Variants in RALGAPA1 observed in about 807,000 individuals in gnomAD.
The protein encoded by RALGAPA1 is Ral GTPase activating protein catalytic subunit alpha 1.
In RALGAPA1, 52 loss-of-function variants were observed where a neutral mutation model predicts 269.6. That is an observed-to-expected ratio of 0.19 (90% confidence interval 0.15 to 0.24). RALGAPA1 has a LOEUF of 0.24. Among genes scored for constraint, RALGAPA1 ranks in the 10% least tolerant of loss-of-function variants. RALGAPA1 has a pLI of 1.00. For missense variants in RALGAPA1, 1,917 were observed against 3,013.9 expected (o/e 0.64, Z 8.52); for synonymous variants, 817 against 1,008.3 (o/e 0.81, Z 3.60).
rs778517566 is a variant in RALGAPA1, at chr14:35,655,884, T to C, written c.5419A>G (p.Ile1807Val). ...GACTCATGGACTAGTTCTTCACAAA[T>C]CCAAATACCTAAACTACAAAGTGCT... ...CVALCSLGIW[I>V]CEELVHESHH... Residue 1807 changes from isoleucine (I) to valine (V), a missense_variant, in exon 29 of 42, where the codon ATT becomes GTT. Ile to Val is a conservative substitution (Grantham distance 29, BLOSUM62 3). This residue lies in a region of RALGAPA1 where 346 missense variants were observed against 566.1 expected (regional missense o/e 0.61). Transcript: ENST00000680220. The C allele has an allele frequency of 2.2e-5, 36 of 1,613,296 alleles. 2 individuals carry two copies. The South Asian group carries it at 3.8e-4, about 17-fold the overall frequency.
rs372343269 is a variant in RALGAPA1, at chr14:35,654,767, A to G, written c.5497-290T>C. ...CTCTAAACCACTATTCTTTTTATCA[A>G]TCTTTGCCCTGTTCCAATCAACTAT... On this transcript the variant is annotated intron_variant, in intron 29 of 41. Transcript: ENST00000680220. Among the ~76,000 whole-genome samples, 175 of 152,232 alleles carry G rather than the reference A, an allele frequency of 1.1e-3. 2 individuals are homozygous for G. In the South Asian group the frequency reaches 0.027, roughly 23 times the overall value.
chr14:35,674,187 A>G lies in RALGAPA1; in HGVS notation c.4910T>C (p.Leu1637Pro). Residue 1637 changes from leucine (L) to proline (P), a missense_variant, in exon 24 of 42, where the codon CTT becomes CCT. Leu to Pro is a moderately conservative substitution (Grantham distance 98). Around this residue, in one of 11 missense-constraint regions of RALGAPA1, gnomAD observed 73 missense variants for 190.6 expected, o/e 0.38. Transcript: ENST00000680220. ...IPPLRILTPWLFKATMLTDKY... is the reference protein window; with the variant it reads ...IPPLRILTPWPFKATMLTDKY... Reference sequence around the variant, plus strand: ...TTTATATATTAAGCTTACCTTAAAAAGCCAAGGTGTAAGAATTCTCAGTGG... The same window carrying G: ...TTTATATATTAAGCTTACCTTAAAAGGCCAAGGTGTAAGAATTCTCAGTGG... The G allele has an allele frequency of 6.2e-7, 1 of 1,606,412 alleles. No individual in the cohort carries two copies. The highest frequency in any genetic ancestry group is 2.2e-5 in the East Asian group (1 of 44,716).
intron 31 of RALGAPA1, among the ~76,000 whole-genome samples, chr14:35,642,472 A>G (rs2062093254): frequency 6.6e-6 from 1 of 152,178 alleles, no homozygotes. Context: ...TAAAAAAGGA[A>G]AACAAGTTAA....
At chr14:35,751,704 T>G (rs936334538) in intron 8 of RALGAPA1, among the ~76,000 whole-genome samples, 1 of 151,444 alleles carries the variant, frequency 6.6e-6, no homozygotes, top group African/African-American at 2.4e-5. Context: ...CTGCCTGAGC[T>G]CAGCAGTTCA....
intron 1 of RALGAPA1, among the ~76,000 whole-genome samples, chr14:35,802,704 T>A (rs1033581572): frequency 5.0e-5 from 7 of 141,394 alleles, no homozygotes; most frequent in Non-Finnish European, 7.6e-5. Flanking sequence ...AAAAAAAAAA[T>A]ACAGTGTCAC....
chr14:35,691,377 CA>C (rs892620831), intron 17 of RALGAPA1, among the ~76,000 whole-genome samples: 40 of 150,228 alleles, frequency 2.7e-4, no homozygotes, highest in African/African-American at 8.3e-4. Flanking sequence ...CTAGAAATAA[CA>C]AAAAAAAATT....
intron 31 of RALGAPA1, among the ~76,000 whole-genome samples, chr14:35,642,804 A>C (rs1468660729): frequency 6.6e-6 from 1 of 152,150 alleles, no homozygotes; most frequent in Admixed American, 6.5e-5. Flanking sequence ...AACTAGAAAT[A>C]CCATTTGACC....
intron 15 of RALGAPA1, 52 bp downstream of exon 15, chr14:35,722,975 A>C (rs756370478): frequency 9.1e-7 from 1 of 1,101,018 alleles, no homozygotes; most frequent in Non-Finnish European, 1.3e-6. Context: ...GTTTTCCCTG[A>C]CTCAATTATT....
At chr14:35,559,454 T>C (rs1290761277) in intron 39 of RALGAPA1, among the ~76,000 whole-genome samples, 2 of 152,026 alleles carry the variant, frequency 1.3e-5, no homozygotes. Flanking sequence ...AGTGGAGCAG[T>C]GCACAGTCAT....
intron 22 of RALGAPA1, 58 bp from the exon 23 acceptor site, chr14:35,674,767 C>T (rs1441766054): frequency 2.8e-6 from 2 of 702,916 alleles, no homozygotes; most frequent in African/African-American, 1.8e-5. Flanking sequence ...ATAAAACCCC[C>T]CAAGAAACCA....
intron 35 of RALGAPA1, among the ~76,000 whole-genome samples, chr14:35,623,608 T>C (rs2139540941): frequency 6.6e-6 from 1 of 152,298 alleles, no homozygotes; most frequent in Middle Eastern, 3.4e-3. Flanking sequence ...TAGGTGTTGT[T>C]ACAAAATGTT....
At chr14:35,692,268 A>G (rs191238334) in intron 17 of RALGAPA1, among the ~76,000 whole-genome samples, 4 of 152,148 alleles carry the variant, frequency 2.6e-5, no homozygotes, top group Admixed American at 1.3e-4. Context: ...CAAGATTTCA[A>G]AACATTAAAA....
intron 25 of RALGAPA1, among the ~76,000 whole-genome samples, chr14:35,672,140 C>T (rs1440215155): frequency 1.3e-5 from 2 of 152,070 alleles, no homozygotes; most frequent in African/African-American, 4.8e-5. Flanking sequence ...AGTCATTTTA[C>T]TTGAGACATG....
At position 35,688,680 on chromosome 14, in the gene RALGAPA1, A is replaced by G; in HGVS notation, c.3731T>C (p.Ile1244Thr). ...IPTTILQKEGIASSQLGSRST... is the reference protein window; with the variant it reads ...IPTTILQKEGTASSQLGSRST... ...ACGACTACCTAATTGACTACTTGCA[A>G]TTCCTTCTTTTTGTAATATGGTGGT... Residue 1244 changes from isoleucine to threonine, a missense_variant, in exon 18 of 42, where the codon ATT becomes ACT. Around this residue, in one of 11 missense-constraint regions of RALGAPA1, gnomAD observed 615 missense variants for 790.0 expected, o/e 0.78. Coordinates refer to ENST00000680220, the MANE Select transcript of RALGAPA1 (RefSeq NM_001346249.2). 1 of 1,488,848 alleles carries G rather than the reference A, an allele frequency of 6.7e-7. No homozygotes were observed. Among genetic ancestry groups the G allele is most frequent in the Non-Finnish European group, 8.9e-7 (1 of 1,127,298 alleles). 92.2% of individuals were successfully genotyped at this position (1,488,848 alleles called of 1,614,324 possible). A position where few individuals can be genotyped will look rare whatever the true frequency, so the allele number is the denominator to read the frequency against.
chr14:35,614,670 T>C (rs2060141604), intron 35 of RALGAPA1, among the ~76,000 whole-genome samples: 1 of 152,120 alleles, frequency 6.6e-6, no homozygotes, highest in East Asian at 1.9e-4. Flanking sequence ...ATACTAAAAA[T>C]ATGTACACTT....
chr14:35,553,539 G>C (rs1458018903), intron 39 of RALGAPA1, among the ~76,000 whole-genome samples: 1 of 152,078 alleles, frequency 6.6e-6, no homozygotes, highest in Non-Finnish European at 1.5e-5. Context: ...TGTTAGAAAA[G>C]GGAAAGCTTT....
At chr14:35,599,909 C>G (rs1594763122) in intron 36 of RALGAPA1, among the ~76,000 whole-genome samples, 1 of 152,208 alleles carries the variant, frequency 6.6e-6, no homozygotes, top group East Asian at 1.9e-4. Context: ...TGGATGCTTT[C>G]AAGAATTTTT....
chr14:35,600,238 T>C (rs548717397), intron 36 of RALGAPA1, among the ~76,000 whole-genome samples: 27 of 143,676 alleles, frequency 1.9e-4, no homozygotes, highest in Non-Finnish European at 3.3e-4. Context: ...TTTTCTTTTT[T>C]TTTTTTTTTT....
chr14:35,586,678 G>A (rs141896131), intron 37 of RALGAPA1, among the ~76,000 whole-genome samples: 67 of 152,178 alleles, frequency 4.4e-4, no homozygotes, highest in African/African-American at 1.0e-3. Flanking sequence ...GAATTTTGTC[G>A]AAGGCCTTTT....
Sources: gnomAD v4.1 joint callset for allele counts (sites outside exome capture counted in the v4.1 genomes callset) on GRCh38, gnomAD v4.1.1 for gene constraint, gnomAD v4.1.1 regional missense constraint, MANE v1.5 for transcripts, NCBI Gene and HGNC (gene_info 2026-07-23, HGNC 2026-07-21) for gene names.